The following VTCN1 variants were observed in gnomAD, a reference collection of about 807,000 sequenced individuals.
The protein encoded by VTCN1 is V-set domain containing T cell activation inhibitor 1.
In VTCN1, 26 loss-of-function variants were observed where a neutral mutation model predicts 26.5. That is an observed-to-expected ratio of 0.98 (90% confidence interval 0.72 to 1.36). The LOEUF (loss-of-function observed/expected upper bound fraction) is 1.36, where lower values mean the gene tolerates loss of function less well. VTCN1 is among the 40% of genes most tolerant of loss of function. VTCN1 has a pLI of 0.00. For missense variants in VTCN1, 298 were observed against 337.7 expected (o/e 0.88, Z 0.92); for synonymous variants, 116 against 130.7 (o/e 0.89, Z 0.77).
At chr1:117,195,262 A>AAATAATAAT (rs61710825) in intron 1 of VTCN1, among the ~76,000 whole-genome samples, 3,596 of 142,444 alleles carry the variant, frequency 0.025, 81 homozygotes, top group African/African-American at 0.055. Flanking sequence ...CTCCGTCTCA[A>AAATAATAAT]AATAATAATA....
At chr1:117,189,804 T>A (rs1001613008) in intron 1 of VTCN1, among the ~76,000 whole-genome samples, 2 of 152,008 alleles carry the variant, frequency 1.3e-5, no homozygotes, top group African/African-American at 4.8e-5. Context: ...CCACTCCTAT[T>A]CCCCCACAGC....
rs745771686 is a variant in VTCN1 at position 117,156,583 on chromosome 1, TA to T, written c.435del (p.Tyr145Ter). ...TCCAAAAGTAACTCACCTCCAGTTTTATACTCAAGGTTAGCATTCCCCTTGC... is the reference window on the plus strand; with the variant it reads ...TCCAAAAGTAACTCACCTCCAGTTTTTACTCAAGGTTAGCATTCCCCTTGC... ...SKGKGNANLEYKTGAFSMPEV... is the reference protein window; with the variant it reads ...SKGKGNANLEXKTGAFSMPEV... On this transcript the variant is annotated frameshift_variant, in exon 3 of 6. Coordinates refer to ENST00000369458, the MANE Select transcript of VTCN1 (RefSeq NM_024626.4). LOFTEE classifies it high-confidence loss of function. 34 of 1,582,466 alleles carry T rather than the reference TA, an allele frequency of 2.1e-5. No homozygotes were observed. The highest frequency in any genetic ancestry group is 2.7e-5 in the Non-Finnish European group (31 of 1,165,428).
Position 117,185,197 on chromosome 1 carries a change from G to A in VTCN1, c.33-15026C>T, listed in dbSNP as rs1024062265. Among the ~76,000 whole-genome samples, 4 of 152,132 alleles carry A rather than the reference G, an allele frequency of 2.6e-5. No individual in the cohort carries two copies. In the South Asian group the frequency reaches 8.3e-4, roughly 32 times the overall value. On this transcript the variant is annotated intron_variant, in intron 1 of 5. Coordinates refer to ENST00000369458, the MANE Select transcript of VTCN1 (RefSeq NM_024626.4). ...TTTCAGTCAAATACAACAGTTCCAAGTGGTCACTTCAAGTCTCAGGTTTCT... is the reference window on the plus strand; with the variant it reads ...TTTCAGTCAAATACAACAGTTCCAAATGGTCACTTCAAGTCTCAGGTTTCT...
intron 1 of VTCN1, among the ~76,000 whole-genome samples, chr1:117,181,386 G>T (rs1647663533): frequency 6.6e-6 from 1 of 152,212 alleles, no homozygotes; most frequent in East Asian, 1.9e-4. Context: ...AGTTGAAACT[G>T]ATCCTAGAAT....
intron 3 of VTCN1, 97 bp downstream of exon 3, chr1:117,156,477 T>G: frequency 7.8e-7 from 1 of 1,288,166 alleles, no homozygotes; most frequent in Non-Finnish European, 1.0e-6. Context: ...AGCATCATTG[T>G]CTGATATTGG....
chr1:117,186,420 C>A (rs1440985021), intron 1 of VTCN1, among the ~76,000 whole-genome samples: 1 of 152,200 alleles, frequency 6.6e-6, no homozygotes, highest in African/African-American at 2.4e-5. Context: ...AAGCATAAAC[C>A]AGGCAAGGCC....
chr1:117,199,098 G>A (rs545415419), intron 1 of VTCN1, among the ~76,000 whole-genome samples: 9 of 152,232 alleles, frequency 5.9e-5, no homozygotes, highest in Admixed American at 2.6e-4. Flanking sequence ...TTGTCTCCTC[G>A]TGGCTTCTAT....
chr1:117,164,828 G>C (rs868553611), intron 2 of VTCN1, among the ~76,000 whole-genome samples: 1 of 152,194 alleles, frequency 6.6e-6, no homozygotes, highest in African/African-American at 2.4e-5. Flanking sequence ...CTTCTCGAAG[G>C]CTTATCCACA....
chr1:117,171,778 G>A (rs1652930356), intron 1 of VTCN1, among the ~76,000 whole-genome samples: 1 of 152,136 alleles, frequency 6.6e-6, no homozygotes, highest in African/African-American at 2.4e-5. Context: ...AGTGACACAG[G>A]GAGATTAAGC....
chr1:117,153,460 C>T (rs1570939805), intron 3 of VTCN1, 91 bp from the exon 4 acceptor site: 4 of 981,458 alleles, frequency 4.1e-6, no homozygotes, highest in Non-Finnish European at 5.7e-6. Flanking sequence ...AAAATGCAGT[C>T]ATTTTTTTTT....
intron 1 of VTCN1, among the ~76,000 whole-genome samples, chr1:117,180,168 G>T (rs1313439756): frequency 2.0e-5 from 3 of 152,120 alleles, no homozygotes; most frequent in Admixed American, 2.0e-4. Context: ...AAAACTGGAG[G>T]GGGCATGAGT....
rs535033671 is a variant in VTCN1, at chr1:117,169,453, C to T, written c.97+654G>A. On this transcript the variant is annotated intron_variant, in intron 2 of 5. Coordinates refer to ENST00000369458, the MANE Select transcript of VTCN1 (RefSeq NM_024626.4). This position sits in a 1 kb window ranked among gnomAD's most constrained non-coding sequence, Gnocchi z 4.0. ...AAAGAAATCATCTACCCAGGCCAAC[C>T]GCTGACAGAATGGCTCAGAGGCAGC... Among the ~76,000 whole-genome samples the T allele has an allele frequency of 1.1e-4, 17 of 152,332 alleles. No homozygotes were observed. The highest frequency in any genetic ancestry group is 3.4e-3 in the Middle Eastern group (1 of 294).
chr1:117,201,060 T>A (rs911559933), intron 1 of VTCN1, among the ~76,000 whole-genome samples: 3 of 152,120 alleles, frequency 2.0e-5, no homozygotes, highest in Non-Finnish European at 4.4e-5. Flanking sequence ...GGATTATAAG[T>A]ATAAACCACC....
chr1:117,153,155 G>T lies in VTCN1; in HGVS notation c.660C>A (p.Asn220Lys), dbSNP rs1651881512. The change falls in exon 4 of 6, where the codon AAC (asparagine) becomes AAA (lysine). Residue 220 changes from asparagine to lysine, a missense_variant. Transcript: ENST00000369458. ...TTTCAATCATACAGGAGTATGTGTT[G>T]TTGATCGTAACATTGTAGAGCACAG... The part of the protein sequence containing the change: ...VVSVLYNVTI[N>K]NTYSCMIEND... 2 of 1,614,050 alleles carry T rather than the reference G, an allele frequency of 1.2e-6. No individual in the cohort carries two copies. The highest frequency in any genetic ancestry group is 1.7e-6 in the Non-Finnish European group (2 of 1,180,010).
At chr1:117,152,198 T>C (rs1391444741) in intron 4 of VTCN1, among the ~76,000 whole-genome samples, 1 of 152,196 alleles carries the variant, frequency 6.6e-6, no homozygotes, top group Non-Finnish European at 1.5e-5. Flanking sequence ...AATTGATATA[T>C]CTGAGTTGTA....
chr1:117,191,668 G>A (rs1408486142), intron 1 of VTCN1, among the ~76,000 whole-genome samples: 4 of 152,196 alleles, frequency 2.6e-5, no homozygotes, highest in African/African-American at 4.8e-5. Flanking sequence ...TGTAATCCCA[G>A]CTACTCGGGA....
intron 2 of VTCN1, among the ~76,000 whole-genome samples, chr1:117,163,530 T>C (rs1652473280): frequency 6.6e-6 from 1 of 152,142 alleles, no homozygotes; most frequent in Non-Finnish European, 1.5e-5. Context: ...GAAAACAACA[T>C]TTCACTAAAT....
intron 1 of VTCN1, chr1:117,173,067 T>TA: frequency 2.9e-6 from 2 of 690,076 alleles, no homozygotes; most frequent in Non-Finnish European, 5.4e-6. Context: ...CTGTAACACT[T>TA]ACCGTGAAGG....
intron 1 of VTCN1, chr1:117,173,294 T>G: frequency 1.6e-6 from 1 of 644,678 alleles, no homozygotes; most frequent in Non-Finnish European, 2.9e-6. Flanking sequence ...CATACCAGAG[T>G]AGGGTAGTGG....
Sources: gnomAD v4.1 joint callset for allele counts (sites outside exome capture counted in the v4.1 genomes callset) on GRCh38, gnomAD v4.1.1 for gene constraint, Gnocchi (gnomAD v3.1) non-coding constraint, MANE v1.5 for transcripts, NCBI Gene and HGNC (gene_info 2026-07-23, HGNC 2026-07-21) for gene names.